HAGHL: variants seen among roughly 807,000 people sequenced by gnomAD.
HAGHL encodes the protein hydroxyacylglutathione hydrolase like.
In HAGHL, 27 loss-of-function variants were observed where a neutral mutation model predicts 29.2. That is an observed-to-expected ratio of 0.92 (90% CI 0.68 to 1.27). The LOEUF is 1.27. Ranked by LOEUF, HAGHL falls within the 50% of genes most tolerant of loss-of-function variation. The pLI is 0.00. For synonymous variants in HAGHL, 223 were observed against 185.7 expected (o/e 1.20, Z -1.63); for missense variants, 529 against 405.5 (o/e 1.30, Z -2.62).
At chr16:728,985 G>T (rs2041217033) in intron 6 of HAGHL, 24 bp from the exon 7 acceptor site, 2 of 1,595,536 alleles carry the variant, frequency 1.3e-6, no homozygotes, top group African/African-American at 1.3e-5. Flanking sequence ...GCCTAATGGT[G>T]ACCGGGGCCT....
rs746850330 is a variant in HAGHL at position 727,478 on chromosome 16, G to A, written c.-32G>A. On this transcript the variant is annotated 5_prime_UTR_variant, in exon 1 of 8. Coordinates refer to ENST00000389703, the MANE Select transcript of HAGHL (RefSeq NM_032304.4). ...CACCGTGGGCTGGGGGGCCTGTTTTGGAGCAGGCACCGGTGGCCGAGCTCC... is the reference window on the plus strand; with the variant it reads ...CACCGTGGGCTGGGGGGCCTGTTTTAGAGCAGGCACCGGTGGCCGAGCTCC... 1.4e-6 allele frequency: 2 copies of A among 1,388,896 alleles called. No homozygotes were observed. Among genetic ancestry groups the A allele is most frequent in the Admixed American group, 1.8e-5 (1 of 55,826 alleles). 86.0% of individuals were successfully genotyped at this position (1,388,896 alleles called of 1,614,324 possible). A position where few individuals can be genotyped will look rare whatever the true frequency, so the allele number is the denominator to read the frequency against.
chr16:729,101 G>T lies in HAGHL; in HGVS notation c.680+13G>T, dbSNP rs377625309. On this transcript the variant is annotated intron_variant, in intron 7 of 7. Transcript: ENST00000389703. The stretch of plus-strand genomic sequence containing the variant: ...TCCTGCGGGTGGCGTGAGTATGGCT[G>T]TTGTCCCGGGGCCTCCACCGTTACG... 5 of 1,606,824 alleles carry T rather than the reference G, an allele frequency of 3.1e-6. No homozygotes were observed. The highest frequency in any genetic ancestry group is 4.2e-6 in the Non-Finnish European group (5 of 1,179,628).
In HAGHL at chr16:728,143, G is replaced by A. The variant is rs777395889; in HGVS notation, c.198G>A (p.Leu66=). Residue 66 remains leucine, a synonymous_variant, in exon 3 of 8, where the codon CTG becomes CTA. Coordinates refer to ENST00000389703, the MANE Select transcript of HAGHL (RefSeq NM_032304.4). ...HWDHARGNPE[L]ARLRPGLAVL... is the part of the protein sequence containing the mutation. ...ACCACGCGCGGGGAAACCCGGAGCT[G>A]GCGCGGCTTCGTCCCGGGCTGGCGG... The A allele has an allele frequency of 6.8e-7, 1 of 1,474,690 alleles. No individual in the cohort carries two copies. The highest frequency in any genetic ancestry group is 1.3e-5 in the South Asian group (1 of 74,138). The allele number at this position is 1,474,690 out of a possible 1,614,324, so 91.4% of individuals were successfully genotyped here. A position where few individuals can be genotyped will look rare whatever the true frequency, so the allele number is the denominator to read the frequency against.
intron 5 of HAGHL, 34 bp downstream of exon 5, chr16:728,638 T>A: frequency 7.5e-7 from 1 of 1,333,420 alleles, no homozygotes; most frequent in Non-Finnish European, 1.0e-6. Flanking sequence ...TCTTCTCCCG[T>A]GGGCACAGCC....
At chr16:727,732 G>A in intron 1 of HAGHL, 118 bp downstream of exon 1, 1 of 755,936 alleles carries the variant, frequency 1.3e-6, no homozygotes, top group East Asian at 2.8e-5. Flanking sequence ...GGCGGCTGGG[G>A]TTCCTTGTTT....
At position 729,103 on chromosome 16, in the gene HAGHL, T is replaced by C. The variant is rs74711638; in HGVS notation, c.680+15T>C. 1,734 of 1,606,774 alleles carry C rather than the reference T, an allele frequency of 1.1e-3. 16 individuals are homozygous for C. The African/African-American group carries it at 0.021, about 19-fold the overall frequency. Reference sequence around the variant, plus strand: ...CTGCGGGTGGCGTGAGTATGGCTGTTGTCCCGGGGCCTCCACCGTTACGTG... The same window carrying C: ...CTGCGGGTGGCGTGAGTATGGCTGTCGTCCCGGGGCCTCCACCGTTACGTG... On this transcript the variant is annotated intron_variant, in intron 7 of 7. Transcript: ENST00000389703.
In HAGHL at chr16:729,101, G is replaced by A. The variant is rs377625309; in HGVS notation, c.680+13G>A. On this transcript the variant is annotated intron_variant, in intron 7 of 7. Coordinates refer to ENST00000389703, the MANE Select transcript of HAGHL (RefSeq NM_032304.4). ...TCCTGCGGGTGGCGTGAGTATGGCT[G>A]TTGTCCCGGGGCCTCCACCGTTACG... 2 of 1,606,942 alleles carry A rather than the reference G, an allele frequency of 1.2e-6. No individual in the cohort carries two copies. The highest frequency in any genetic ancestry group is 1.7e-6 in the Non-Finnish European group (2 of 1,179,620).
At chr16:728,650 C>T (rs765947219) in intron 5 of HAGHL, 46 bp downstream of exon 5, 7 of 1,293,276 alleles carry the variant, frequency 5.4e-6, no homozygotes, top group Non-Finnish European at 6.4e-6. Flanking sequence ...GGCACAGCCC[C>T]CACGCTCCGC....
In HAGHL at chr16:728,029, G is replaced by T; in HGVS notation, c.170G>T (p.Trp57Leu). ...LTAVLTTHHH[W>L]DHARGNPELA... Reference sequence around the variant, plus strand: ...GCTGTGCTGACCACCCACCATCACTGGTGAGCGCCGGCGGGGCGCGGGGAG... The same window carrying T: ...GCTGTGCTGACCACCCACCATCACTTGTGAGCGCCGGCGGGGCGCGGGGAG... The change falls in exon 2 of 8, where the codon TGG (tryptophan) becomes TTG (leucine). Residue 57 changes from tryptophan (W) to leucine (L), a missense_variant and splice_region_variant. Transcript: ENST00000389703. 13 of 1,587,374 alleles carry T rather than the reference G, an allele frequency of 8.2e-6. No homozygotes were observed. The highest frequency in any genetic ancestry group is 1.1e-5 in the Non-Finnish European group (13 of 1,170,490).
In HAGHL at chr16:728,889, G is replaced by A; in HGVS notation, c.594G>A (p.Trp198Ter). ...CNDHVRAKLS[W>*]AKKRDEDDVP... Reference sequence around the variant, plus strand: ...ACCACGTGAGAGCCAAGCTGTCCTGGGCTAAGGCACGGCCCCTTTCCCGCC... The same window carrying A: ...ACCACGTGAGAGCCAAGCTGTCCTGAGCTAAGGCACGGCCCCTTTCCCGCC... The change falls in exon 6 of 8, where the codon TGG (tryptophan) becomes TGA (stop). Residue 198 changes from tryptophan (W) to a stop codon, truncating the protein, a stop_gained. Coordinates refer to ENST00000389703, the MANE Select transcript of HAGHL (RefSeq NM_032304.4). LOFTEE classifies it high-confidence loss of function. 4 of 1,578,352 alleles carry A rather than the reference G, an allele frequency of 2.5e-6. No individual in the cohort carries two copies. Among genetic ancestry groups the A allele is most frequent in the Non-Finnish European group, 2.6e-6 (3 of 1,160,340 alleles).
Position 729,364 on chromosome 16 carries a change from C to G in HAGHL, c.757C>G (p.Arg253Gly), listed in dbSNP as rs2041234341. 6.5e-7 allele frequency: 1 copy of G among 1,531,036 alleles called. No homozygotes were observed. The highest frequency in any genetic ancestry group is 2.5e-5 in the East Asian group (1 of 40,732). The allele number at this position is 1,531,036 out of a possible 1,614,324, so 94.8% of individuals were successfully genotyped here. ...GGAGGCGCTATGCAAGGAGCGGGCG[C>G]GCTTCGAACAGGCGGGCGAGCCGCG... ...VLEALCKERA[R>G]FEQAGEPRQP... Residue 253 changes from arginine (R) to glycine (G), a missense_variant, in exon 8 of 8, where the codon CGC (arginine) becomes GGC (glycine). Coordinates refer to ENST00000389703, the MANE Select transcript of HAGHL (RefSeq NM_032304.4).
rs2041204740 is a variant in HAGHL at position 728,811 on chromosome 16, C to G, written c.516C>G (p.His172Gln). The change falls in exon 6 of 8, where the codon CAC (histidine) becomes CAG (glutamine). Residue 172 changes from histidine to glutamine, a missense_variant. Coordinates refer to ENST00000389703, the MANE Select transcript of HAGHL (RefSeq NM_032304.4). ...LPPETKVFCGHEHTLSNLEFA... is the reference protein window; with the variant it reads ...LPPETKVFCGQEHTLSNLEFA... ...TCCTCCAGAAGGTGTTCTGCGGCCA[C>G]GAGCACACGCTTAGCAACCTGGAGT... 1 of 1,611,996 alleles carries G rather than the reference C, an allele frequency of 6.2e-7. No homozygotes were observed. Among genetic ancestry groups the G allele is most frequent in the African/African-American group, 1.3e-5 (1 of 74,936 alleles).
At chr16:728,677 G>A in intron 5 of HAGHL, 73 bp downstream of exon 5, 1 of 1,281,958 alleles carries the variant, frequency 7.8e-7, no homozygotes. Flanking sequence ...ACTGTGCTAG[G>A]GGTGCAGAGT....
In HAGHL at chr16:728,104, G is replaced by T; in HGVS notation, c.171-12G>T. The stretch of plus-strand genomic sequence containing the variant: ...ACCCGACCTAACCCGGCCCCCGCCC[G>T]CCCGCCCGCAGGGACCACGCGCGGG... On this transcript the variant is annotated splice_polypyrimidine_tract_variant and intron_variant, in intron 2 of 7. Coordinates refer to ENST00000389703, the MANE Select transcript of HAGHL (RefSeq NM_032304.4). 6.9e-7 allele frequency: 1 copy of T among 1,451,486 alleles called. No homozygotes were observed. Among genetic ancestry groups the T allele is most frequent in the Non-Finnish European group, 9.0e-7 (1 of 1,107,760 alleles). The allele number at this position is 1,451,486 out of a possible 1,614,324, so 89.9% of individuals were successfully genotyped here.
Position 727,441 on chromosome 16 carries a change from G to T in HAGHL, c.-69G>T. The stretch of plus-strand genomic sequence containing the variant: ...TCCTAGGGTGTGGAGAGCGGGCCCC[G>T]CCCTGAAGGGGCACCGTGGGCTGGG... On this transcript the variant is annotated 5_prime_UTR_variant, in exon 1 of 8. Transcript: ENST00000389703. 3 of 927,138 alleles carry T rather than the reference G, an allele frequency of 3.2e-6. No homozygotes were observed. The highest frequency in any genetic ancestry group is 5.1e-6 in the Non-Finnish European group (3 of 584,188). 57.4% of individuals were successfully genotyped at this position (927,138 alleles called of 1,614,324 possible).
At chr16:729,261 T>C (rs1174701307) in intron 7 of HAGHL, 27 bp from the exon 8 acceptor site, 6 of 1,515,446 alleles carry the variant, frequency 4.0e-6, no homozygotes, top group East Asian at 2.4e-5. Context: ...CAGCGGGCCC[T>C]GCGCCTCACT....
At chr16:728,265 G>A (rs1230437710) in intron 3 of HAGHL, 32 bp downstream of exon 3, 1 of 1,506,448 alleles carries the variant, frequency 6.6e-7, no homozygotes, top group Non-Finnish European at 8.8e-7. Flanking sequence ...GGGCGGGGAG[G>A]GCGCCCCGGG....
Position 729,484 on chromosome 16 carries a change from C to A in HAGHL, c.*28C>A. 5.2e-6 allele frequency: 8 copies of A among 1,538,312 alleles called. No homozygotes were observed. The highest frequency in any genetic ancestry group is 7.0e-6 in the Non-Finnish European group (8 of 1,146,248). ...CACCCAGACCCTCACAGGGCTGGGG[C>A]CTGCGTCCCTCCTCGTGACCTCGGC... On this transcript the variant is annotated 3_prime_UTR_variant, in exon 8 of 8. Coordinates refer to ENST00000389703, the MANE Select transcript of HAGHL (RefSeq NM_032304.4).
chr16:727,869 T>C, intron 1 of HAGHL, 96 bp from the exon 2 acceptor site: 1 of 1,333,218 alleles, frequency 7.5e-7, no homozygotes, highest in Non-Finnish European at 1.1e-6. Flanking sequence ...TCCCCGGGGC[T>C]CTGGCCGGCC....
Sources: allele counts gnomAD v4.1 joint callset, GRCh38; gene constraint gnomAD v4.1.1; transcripts MANE v1.5; gene names NCBI Gene and HGNC (gene_info 2026-07-23, HGNC 2026-07-21).